Variants in ZBTB43 observed in about 807,000 individuals in gnomAD.
ZBTB43 encodes zinc finger and BTB domain-containing protein 43.
Under a neutral mutation model 31.1 loss-of-function variants are expected in ZBTB43, and 6 were observed. That is an observed-to-expected ratio of 0.19 (90% CI 0.11 to 0.38). ZBTB43 has a LOEUF of 0.38. Ranked by LOEUF, ZBTB43 falls within the 10% of genes least tolerant of loss-of-function variation. The pLI, the probability that ZBTB43 is intolerant of heterozygous loss-of-function variation, is 1.00. For missense variants in ZBTB43, 379 were observed against 602.1 expected (o/e 0.63, Z 3.88); for synonymous variants, 212 against 221.7 (o/e 0.96, Z 0.39).
At chr9:126,813,934 G>A (rs910632220) in intron 2 of ZBTB43, among the ~76,000 whole-genome samples, 4 of 152,074 alleles carry the variant, frequency 2.6e-5, no homozygotes, top group African/African-American at 7.2e-5. Flanking sequence ...GTGCATTTCC[G>A]CTTTGGAGAA....
chr9:126,806,713 TA>T (rs571649156), intron 1 of ZBTB43, among the ~76,000 whole-genome samples: 2 of 152,372 alleles, frequency 1.3e-5, no homozygotes, highest in South Asian at 4.1e-4. Context: ...CTTTTACATG[TA>T]ATTTTTCAAA....
chr9:126,810,151 C>T (rs1258377829), intron 2 of ZBTB43, among the ~76,000 whole-genome samples: 1 of 150,954 alleles, frequency 6.6e-6, no homozygotes, highest in Non-Finnish European at 1.5e-5. Flanking sequence ...CTGCTGGTAT[C>T]TTATTAAGGT....
intron 2 of ZBTB43, among the ~76,000 whole-genome samples, chr9:126,830,690 T>G (rs138439600): frequency 6.6e-6 from 1 of 151,548 alleles, no homozygotes; most frequent in African/African-American, 2.4e-5. Flanking sequence ...AATGTTTGGA[T>G]GTAGTATCAG....
intron 2 of ZBTB43, among the ~76,000 whole-genome samples, chr9:126,823,753 G>GTGTA (rs1446824913): frequency 6.6e-6 from 1 of 151,970 alleles, no homozygotes; most frequent in Non-Finnish European, 1.5e-5. Context: ...TCTTCTTTTT[G>GTGTA]TGTATGTTTT....
intron 2 of ZBTB43, among the ~76,000 whole-genome samples, chr9:126,817,480 T>G (rs1163231168): frequency 2.0e-5 from 3 of 149,726 alleles, no homozygotes; most frequent in East Asian, 3.9e-4. Context: ...CCATGAAGTT[T>G]TTTTTTTTTT....
In ZBTB43 at chr9:126,834,116, A is replaced by G; in HGVS notation, c.*203A>G. ...TTTGTGTGTTCCAGTCCTGGCCTGG[A>G]ATGGGTAATGGGGTGAGTTAACCCA... is the stretch of plus-strand genomic sequence containing the variant. On this transcript the variant is annotated 3_prime_UTR_variant, in exon 3 of 3. Transcript: ENST00000373464. 1.8e-6 allele frequency: 1 copy of G among 554,344 alleles called. No individual in the cohort carries two copies. Among genetic ancestry groups the G allele is most frequent in the Non-Finnish European group, 3.0e-6 (1 of 332,394 alleles). The allele number at this position is 554,344 out of a possible 1,614,324, so 34.3% of individuals were successfully genotyped here.
intron 2 of ZBTB43, among the ~76,000 whole-genome samples, chr9:126,829,331 C>G (rs1412813401): frequency 6.6e-6 from 1 of 152,120 alleles, no homozygotes; most frequent in Non-Finnish European, 1.5e-5. Flanking sequence ...CAAAGGTATG[C>G]AAGATAGTTA....
Position 126,837,435 on chromosome 9 carries a change from C to T in ZBTB43, c.*3522C>T, listed in dbSNP as rs1330237983. On this transcript the variant is annotated 3_prime_UTR_variant, in exon 3 of 3. Transcript: ENST00000373464. Reference sequence around the variant, plus strand: ...AAAGCTGCTTAGCCTCCAGGGCTCCCTCCTTGAGAGGCTCACACACCCCCA... The same window carrying T: ...AAAGCTGCTTAGCCTCCAGGGCTCCTTCCTTGAGAGGCTCACACACCCCCA... 1 of 167,184 alleles carries T rather than the reference C, an allele frequency of 6.0e-6. No individual in the cohort carries two copies. Among genetic ancestry groups the T allele is most frequent in the Middle Eastern group, 3.1e-3 (1 of 320 alleles). 10.4% of individuals were successfully genotyped at this position (167,184 alleles called of 1,614,324 possible). A position where few individuals can be genotyped will look rare whatever the true frequency, so the allele number is the denominator to read the frequency against.
chr9:126,809,758 G>A (rs1401703431), intron 2 of ZBTB43, among the ~76,000 whole-genome samples: 2 of 152,112 alleles, frequency 1.3e-5, no homozygotes, highest in African/African-American at 4.8e-5. Flanking sequence ...GAACAGGCTG[G>A]CATCGGTGTG....
chr9:126,836,426 T>A lies in ZBTB43; in HGVS notation c.*2513T>A. 1.2e-5 allele frequency: 2 copies of A among 167,178 alleles called. No homozygotes were observed. 10.4% of individuals were successfully genotyped at this position (167,178 alleles called of 1,614,324 possible). A position where few individuals can be genotyped will look rare whatever the true frequency, so the allele number is the denominator to read the frequency against. On this transcript the variant is annotated 3_prime_UTR_variant, in exon 3 of 3. Coordinates refer to ENST00000373464, the MANE Select transcript of ZBTB43 (RefSeq NM_014007.4). The stretch of plus-strand genomic sequence containing the variant: ...GTGGTATTTGAGGTTTTGGCAAAAA[T>A]TGGGATTTTTTTATCAGGCAGCCAG...
At position 126,833,488 on chromosome 9, in the gene ZBTB43, G is replaced by A. The variant is rs943594820; in HGVS notation, c.979G>A (p.Gly327Arg). ...TGGCTCTTCCATGGAAGAGTTTTCC[G>A]GAGAGAGGTCAGATGGGAATCTAAT... ...FYGSSMEEFS[G>R]ERSDGNLIGH... is the part of the protein sequence containing the mutation. Residue 327 changes from glycine to arginine, a missense_variant, in exon 3 of 3, where the codon GGA (glycine) becomes AGA (arginine). Gly to Arg is a moderately radical substitution (Grantham distance 125). Around this residue, in one of 5 missense-constraint regions of ZBTB43, gnomAD observed 253 missense variants for 322.3 expected, o/e 0.79. Transcript: ENST00000373464. This position sits in a 1 kb window ranked among gnomAD's most constrained non-coding sequence, Gnocchi z 7.9. The A allele has an allele frequency of 3.1e-6, 5 of 1,614,178 alleles. No homozygotes were observed. Among genetic ancestry groups the A allele is most frequent in the South Asian group, 2.2e-5 (2 of 91,082 alleles).
rs1415468147 is a variant in ZBTB43, at chr9:126,806,476, G to A, written c.-147+1344G>A. Among the ~76,000 whole-genome samples, 3 of 152,172 alleles carry A rather than the reference G, an allele frequency of 2.0e-5. No individual in the cohort carries two copies. In the East Asian group the frequency reaches 5.8e-4, roughly 29 times the overall value. On this transcript the variant is annotated intron_variant, in intron 1 of 2. Transcript: ENST00000373464. ...ACGGAAAGTAGAATAGTTTACCAGG[G>A]GCTGGGGAGAGGAGTTATTGCTTAA...
intron 2 of ZBTB43, among the ~76,000 whole-genome samples, chr9:126,810,092 C>A (rs1378672283): frequency 6.6e-6 from 1 of 152,162 alleles, no homozygotes; most frequent in African/African-American, 2.4e-5. Context: ...GCCTCAGCCT[C>A]CCAAAGTGCT....
At chr9:126,823,151 A>G (rs1346345071) in intron 2 of ZBTB43, among the ~76,000 whole-genome samples, 1 of 152,076 alleles carries the variant, frequency 6.6e-6, no homozygotes, top group Non-Finnish European at 1.5e-5. Context: ...CAAGTCTTCT[A>G]TTTCCTTATA....
chr9:126,807,859 C>T (rs1416548209), intron 1 of ZBTB43, among the ~76,000 whole-genome samples: 1 of 152,136 alleles, frequency 6.6e-6, no homozygotes, highest in African/African-American at 2.4e-5. Context: ...TGGTCTCAAA[C>T]TCCTGACTTC....
intron 2 of ZBTB43, among the ~76,000 whole-genome samples, chr9:126,825,746 T>C (rs2032616709): frequency 1.3e-5 from 2 of 152,040 alleles, no homozygotes; most frequent in Admixed American, 6.6e-5. Context: ...ACAGCTTCAA[T>C]GTGTGAACTG....
intron 2 of ZBTB43, among the ~76,000 whole-genome samples, chr9:126,820,241 G>A (rs1240735173): frequency 6.6e-6 from 1 of 152,198 alleles, no homozygotes; most frequent in Admixed American, 6.5e-5. Flanking sequence ...TGCTATCTAT[G>A]ACTTCCATAG....
chr9:126,807,120 TC>T (rs2032143076), intron 1 of ZBTB43, among the ~76,000 whole-genome samples: 1 of 152,250 alleles, frequency 6.6e-6, no homozygotes, highest in African/African-American at 2.4e-5. Flanking sequence ...TATCAAGCTT[TC>T]TAATAAGATA....
At chr9:126,807,771 G>A (rs527577515) in intron 1 of ZBTB43, among the ~76,000 whole-genome samples, 1 of 152,136 alleles carries the variant, frequency 6.6e-6, no homozygotes, top group Admixed American at 6.6e-5. Context: ...GAGTAGCTGG[G>A]ATTACAGGCG....
Sources: gnomAD v4.1 joint callset for allele counts (sites outside exome capture counted in the v4.1 genomes callset) on GRCh38, gnomAD v4.1.1 for gene constraint, gnomAD v4.1.1 regional missense constraint, Gnocchi (gnomAD v3.1) non-coding constraint, MANE v1.5 for transcripts, NCBI Gene and HGNC (gene_info 2026-07-23, HGNC 2026-07-21) for gene names.